LOXHD1: variants seen among roughly 807,000 people sequenced by gnomAD.
LOXHD1 encodes lipoxygenase homology PLAT domains 1.
Under a neutral mutation model 248.2 loss-of-function variants are expected in LOXHD1, and 205 were observed. That is an observed-to-expected ratio of 0.83 (90% CI 0.74 to 0.93). The LOEUF is 0.93. LOXHD1 is among the 40% of genes least tolerant of loss of function. The pLI is 0.00. For synonymous variants in LOXHD1, 1,113 were observed against 1,162.8 expected (o/e 0.96, Z 0.87); for missense variants, 2,930 against 2,971.6 (o/e 0.99, Z 0.33).
rs181840882 is a variant in LOXHD1, at chr18:46,536,580, C to T, written c.4095+1576G>A. On this transcript the variant is annotated intron_variant, in intron 26 of 40. Coordinates refer to ENST00000642948, the MANE Select transcript of LOXHD1 (RefSeq NM_001384474.1). ...AGTGGGGACTTCATTGATAAAAACT[C>T]CCCGGAAGTCATGCCGAGGTGTGAT... 2.6e-3 allele frequency among the ~76,000 whole-genome samples: 394 copies of T among 152,316 alleles called. 6 individuals are homozygous for T. Among genetic ancestry groups the T allele is most frequent in the African/African-American group, 9.2e-3 (382 of 41,570 alleles).
At chr18:46,571,994 G>T in intron 15 of LOXHD1, 92 bp downstream of exon 15, 1 of 1,114,696 alleles carries the variant, frequency 9.0e-7, no homozygotes, top group Non-Finnish European at 1.3e-6. Flanking sequence ...TGTGAAACAT[G>T]AAGTGCTCGT....
chr18:46,526,742 G>A (rs913111615), intron 29 of LOXHD1, among the ~76,000 whole-genome samples: 2 of 152,224 alleles, frequency 1.3e-5, no homozygotes, highest in South Asian at 4.1e-4. Context: ...CTGGAGGGTG[G>A]GTTGGATGGC....
intron 2 of LOXHD1, among the ~76,000 whole-genome samples, chr18:46,642,993 C>A (rs2038982437): frequency 6.6e-6 from 1 of 152,168 alleles, no homozygotes; most frequent in African/African-American, 2.4e-5. Flanking sequence ...GAAGATTTAT[C>A]CACCATCGAC....
At chr18:46,534,942 C>T (rs959260427) in intron 26 of LOXHD1, among the ~76,000 whole-genome samples, 4 of 152,204 alleles carry the variant, frequency 2.6e-5, no homozygotes, top group African/African-American at 9.7e-5. Flanking sequence ...TTCCTTGCCA[C>T]GGGGCCTTTG....
intron 39 of LOXHD1, 128 bp from the exon 40 acceptor site, chr18:46,483,873 A>G: frequency 8.9e-7 from 1 of 1,119,254 alleles, no homozygotes; most frequent in South Asian, 1.5e-5. Context: ...GCAGGAGCTC[A>G]TGGCAGTCCT....
chr18:46,507,893 G>A (rs2034687007), intron 35 of LOXHD1, among the ~76,000 whole-genome samples, 181 bp from the exon 36 acceptor site: 1 of 152,206 alleles, frequency 6.6e-6, no homozygotes, highest in Admixed American at 6.5e-5. Context: ...GCCCTGTCCT[G>A]TGTGCCTGGC....
At position 46,593,636 on chromosome 18, in the gene LOXHD1, G is replaced by T. The variant is rs1319488340; in HGVS notation, c.1395C>A (p.Asn465Lys). 4 of 1,552,142 alleles carry T rather than the reference G, an allele frequency of 2.6e-6. No individual in the cohort carries two copies. Among genetic ancestry groups the T allele is most frequent in the African/African-American group, 1.4e-5 (1 of 73,008 alleles). The change falls in exon 10 of 41, where the codon AAC (asparagine) becomes AAA (lysine). Residue 465 changes from asparagine to lysine, a missense_variant. Transcript: ENST00000642948. ...RTDEILLNPNNKWFKPGIIEK... is the reference protein window; with the variant it reads ...RTDEILLNPNKKWFKPGIIEK... ...CGATTATGCCGGGTTTGAACCACTT[G>T]TTGTTGGGATTCAGGAGAATCTCAT...
At chr18:46,612,302 G>GCAAAATTT (rs756708241) in intron 5 of LOXHD1, among the ~76,000 whole-genome samples, 1 of 152,108 alleles carries the variant, frequency 6.6e-6, no homozygotes, top group Non-Finnish European at 1.5e-5. Flanking sequence ...ATTAGATGTT[G>GCAAAATTT]CAAAATTTAC....
Position 46,524,931 on chromosome 18 carries a change from A to G in LOXHD1, c.4531-14T>C. 6.4e-7 allele frequency: 1 copy of G among 1,551,376 alleles called. No individual in the cohort carries two copies. The highest frequency in any genetic ancestry group is 8.7e-7 in the Non-Finnish European group (1 of 1,146,948). Reference sequence around the variant, plus strand: ...GAAGGTGTCAGCCTGGGGAGCCCAGATGTGGGGACTCATATGGGGGTGTGC... The same window carrying G: ...GAAGGTGTCAGCCTGGGGAGCCCAGGTGTGGGGACTCATATGGGGGTGTGC... On this transcript the variant is annotated splice_polypyrimidine_tract_variant and intron_variant, in intron 29 of 40. Transcript: ENST00000642948.
chr18:46,533,443 T>C (rs1180533806), intron 27 of LOXHD1, 119 bp from the exon 28 acceptor site: 1 of 1,071,696 alleles, frequency 9.3e-7, no homozygotes, highest in Non-Finnish European at 1.3e-6. Context: ...CCATAAATAA[T>C]GTAAAAGCCA....
chr18:46,554,544 T>C (rs1330743909), intron 21 of LOXHD1, among the ~76,000 whole-genome samples: 1 of 152,178 alleles, frequency 6.6e-6, no homozygotes, highest in African/African-American at 2.4e-5. Flanking sequence ...TGCTCTTGGC[T>C]TGAAGATTGT....
chr18:46,590,569 G>C (rs952656599), intron 12 of LOXHD1, among the ~76,000 whole-genome samples: 2 of 152,122 alleles, frequency 1.3e-5, no homozygotes, highest in Non-Finnish European at 2.9e-5. Context: ...CTACATATCA[G>C]GTTAGTGCAA....
rs768647345 is a variant in LOXHD1, at chr18:46,483,809, C to G, written c.6183-64G>C. On this transcript the variant is annotated intron_variant, in intron 39 of 40. Coordinates refer to ENST00000642948, the MANE Select transcript of LOXHD1 (RefSeq NM_001384474.1). ...CCCACTGAAGCAGGTAAGCATTTGTCGGGGGCCTGCTGCATTCCAAGCAGT... is the reference window on the plus strand; with the variant it reads ...CCCACTGAAGCAGGTAAGCATTTGTGGGGGGCCTGCTGCATTCCAAGCAGT... The G allele has an allele frequency of 4.6e-6, 7 of 1,508,890 alleles. No individual in the cohort carries two copies. The Admixed American group carries it at 6.0e-5, about 13-fold the overall frequency. 93.5% of individuals were successfully genotyped at this position (1,508,890 alleles called of 1,614,324 possible). A position where few individuals can be genotyped will look rare whatever the true frequency, so the allele number is the denominator to read the frequency against.
At chr18:46,627,809 C>A (rs547808371) in intron 4 of LOXHD1, among the ~76,000 whole-genome samples, 16 of 152,330 alleles carry the variant, frequency 1.1e-4, no homozygotes, top group African/African-American at 3.8e-4. Flanking sequence ...GCATCACCTC[C>A]TCTATAAAGG....
intron 21 of LOXHD1, among the ~76,000 whole-genome samples, chr18:46,550,031 A>C (rs1436711344): frequency 2.0e-5 from 3 of 152,256 alleles, no homozygotes; most frequent in Non-Finnish European, 2.9e-5. Flanking sequence ...AAAGGAAAGT[A>C]GCACAATCTC....
intron 4 of LOXHD1, among the ~76,000 whole-genome samples, chr18:46,629,929 T>C (rs923688813): frequency 6.6e-6 from 1 of 152,144 alleles, no homozygotes; most frequent in African/African-American, 2.4e-5. Context: ...AGTTGTTGTT[T>C]CTTCTTATGG....
chr18:46,566,146 C>A, intron 17 of LOXHD1, 111 bp downstream of exon 17: 1 of 1,227,504 alleles, frequency 8.1e-7, no homozygotes, highest in African/African-American at 1.5e-5. Flanking sequence ...CAGGACCCTA[C>A]CAGCAGCACT....
chr18:46,537,130 C>A (rs79706800), intron 26 of LOXHD1, among the ~76,000 whole-genome samples: 10,936 of 152,264 alleles, frequency 0.072, 519 homozygotes, highest in Non-Finnish European at 0.1. Flanking sequence ...TCAGATCCAA[C>A]TCAAAGCCAC....
At position 46,560,521 on chromosome 18, in the gene LOXHD1, C is replaced by A. The variant is rs1369618636; in HGVS notation, c.2623G>T (p.Val875Phe). The change falls in exon 19 of 41, where the codon GTC (valine) becomes TTC (phenylalanine). Residue 875 changes from valine (V) to phenylalanine (F), a missense_variant. Physicochemically the swap from Val to Phe is conservative, Grantham distance 50. Coordinates refer to ENST00000642948, the MANE Select transcript of LOXHD1 (RefSeq NM_001384474.1). ...FQLEAADVGE[V>F]YKLRLGHTGE... is the part of the protein sequence containing the mutation. ...GTGTGCCCGAGCCGGAGCTTATAGA[C>A]CTCGCCCACGTCGGCCGCCTCAAGC... 29 of 1,533,366 alleles carry A rather than the reference C, an allele frequency of 1.9e-5. No homozygotes were observed. The highest frequency in any genetic ancestry group is 2.4e-5 in the Non-Finnish European group (27 of 1,144,054). 95.0% of individuals were successfully genotyped at this position (1,533,366 alleles called of 1,614,324 possible).
Sources: gnomAD v4.1 joint callset for allele counts (sites outside exome capture counted in the v4.1 genomes callset) on GRCh38, gnomAD v4.1.1 for gene constraint, MANE v1.5 for transcripts, NCBI Gene and HGNC (gene_info 2026-07-23, HGNC 2026-07-21) for gene names.